LDLRAD4: variants seen among roughly 807,000 people sequenced by gnomAD.
The protein encoded by LDLRAD4 is low-density lipoprotein receptor class A domain-containing protein 4.
LDLRAD4 carries 5 observed loss-of-function variants against 17.0 expected under a neutral mutation model. The observed-to-expected ratio is 0.29, with a 90% CI of 0.15 to 0.62. LDLRAD4 has a LOEUF of 0.62. LDLRAD4 is among the 20% of genes least tolerant of loss of function. LDLRAD4 has a pLI of 0.84. For missense variants in LDLRAD4, 340 were observed against 424.7 expected (o/e 0.80, Z 1.75); for synonymous variants, 168 against 171.8 (o/e 0.98, Z 0.17).
At chr18:13,240,379 C>T (rs1325888876) in intron 1 of LDLRAD4, 1 of 152,286 alleles carries the variant, frequency 6.6e-6, no homozygotes, top group Non-Finnish European at 1.5e-5. Context: ...CCGCCTCCCC[C>T]ACATATGCTC....
At chr18:13,305,107 A>T (rs2046833406) in intron 1 of LDLRAD4, among the ~76,000 whole-genome samples, 1 of 152,168 alleles carries the variant, frequency 6.6e-6, no homozygotes, top group Non-Finnish European at 1.5e-5. Flanking sequence ...ATTGAAAAAA[A>T]TTAAGACAAA....
intron 3 of LDLRAD4, among the ~76,000 whole-genome samples, chr18:13,528,340 T>C (rs879014239): frequency 1.3e-5 from 2 of 152,108 alleles, no homozygotes; most frequent in African/African-American, 4.8e-5. Context: ...TGAGATGGAG[T>C]CTTGCTCTGT....
chr18:13,254,179 C>T (rs551333097), intron 1 of LDLRAD4, among the ~76,000 whole-genome samples: 4 of 152,288 alleles, frequency 2.6e-5, no homozygotes, highest in East Asian at 3.9e-4. Flanking sequence ...CGGTGTCGCG[C>T]CGTGAAGGCA....
chr18:13,584,810 G>A (rs947814155), intron 3 of LDLRAD4, among the ~76,000 whole-genome samples: 2 of 152,176 alleles, frequency 1.3e-5, no homozygotes, highest in African/African-American at 4.8e-5. Context: ...AACCATAATT[G>A]TCCAAATCCT....
At chr18:13,250,631 A>G (rs2043183580) in intron 1 of LDLRAD4, among the ~76,000 whole-genome samples, 1 of 152,206 alleles carries the variant, frequency 6.6e-6, no homozygotes, top group African/African-American at 2.4e-5. Context: ...TAAAAAACCT[A>G]GAGGAAATGG....
intron 1 of LDLRAD4, among the ~76,000 whole-genome samples, chr18:13,361,312 C>T (rs567789216): frequency 3.9e-5 from 6 of 152,290 alleles, no homozygotes; most frequent in Non-Finnish European, 7.3e-5. Flanking sequence ...CTCCTGACCT[C>T]GTGATCCACC....
intron 4 of LDLRAD4, chr18:13,642,370 C>G: frequency 9.7e-7 from 1 of 1,026,360 alleles, no homozygotes; most frequent in Non-Finnish European, 1.2e-6. Flanking sequence ...GACAGCCACA[C>G]TCTGGGCTGA....
chr18:13,522,393 T>G (rs1718075831), intron 3 of LDLRAD4: 1 of 152,164 alleles, frequency 6.6e-6, no homozygotes, highest in Admixed American at 6.5e-5. Flanking sequence ...CACTGTACCC[T>G]CATCGTATAA....
chr18:13,372,749 T>C (rs2084611976), intron 1 of LDLRAD4, among the ~76,000 whole-genome samples: 1 of 152,244 alleles, frequency 6.6e-6, no homozygotes. Context: ...TTCATGTTCA[T>C]GCTCCATGTC....
At chr18:13,374,333 G>C (rs1364762243) in intron 1 of LDLRAD4, among the ~76,000 whole-genome samples, 1 of 152,234 alleles carries the variant, frequency 6.6e-6, no homozygotes, top group Non-Finnish European at 1.5e-5. Context: ...CTGCCGATGG[G>C]AGCAAGCTCT....
intron 1 of LDLRAD4, among the ~76,000 whole-genome samples, chr18:13,349,092 G>C (rs1291443269): frequency 2.0e-5 from 3 of 152,184 alleles, no homozygotes; most frequent in Non-Finnish European, 4.4e-5. Context: ...TGCACCCACT[G>C]TCCGACAATC....
At chr18:13,613,048 G>T in intron 3 of LDLRAD4, 2 of 325,470 alleles carry the variant, frequency 6.1e-6, no homozygotes, top group East Asian at 5.5e-5. Context: ...TGTTGCTTTG[G>T]AGTTTTGTTT....
chr18:13,312,510 GGCGGGA>G (rs1427471383), intron 1 of LDLRAD4, among the ~76,000 whole-genome samples: 5 of 152,158 alleles, frequency 3.3e-5, no homozygotes, highest in African/African-American at 9.7e-5. Context: ...AGGATGCTAA[GGCGGGA>G]GTACCACTTG....
chr18:13,444,462 C>T (rs946018203), intron 3 of LDLRAD4, among the ~76,000 whole-genome samples: 1 of 152,198 alleles, frequency 6.6e-6, no homozygotes, highest in African/African-American at 2.4e-5. Context: ...TGTTAATCGA[C>T]TTCTTATGTT....
chr18:13,327,136 A>G (rs1297422629), intron 1 of LDLRAD4, among the ~76,000 whole-genome samples: 1 of 151,518 alleles, frequency 6.6e-6, no homozygotes, highest in Non-Finnish European at 1.5e-5. Context: ...TGGGCCGTGG[A>G]CTCTGCGGCA....
chr18:13,454,742 C>G (rs2092032723), intron 3 of LDLRAD4, among the ~76,000 whole-genome samples: 1 of 139,988 alleles, frequency 7.1e-6, no homozygotes, highest in Non-Finnish European at 1.6e-5. Context: ...AGGGGCTGGC[C>G]TGGTCCAGAA....
intron 1 of LDLRAD4, among the ~76,000 whole-genome samples, chr18:13,295,418 C>T (rs2046217044): frequency 1.3e-5 from 2 of 152,194 alleles, no homozygotes; most frequent in African/African-American, 4.8e-5. Context: ...CCAGTGGCTC[C>T]TGTGTGTGGA....
At chr18:13,614,172 G>A (rs1222562497) in intron 3 of LDLRAD4, 1 of 152,220 alleles carries the variant, frequency 6.6e-6, no homozygotes, top group Non-Finnish European at 1.5e-5. Context: ...TCTAAATGGG[G>A]AATGCCAACT....
intron 3 of LDLRAD4, chr18:13,620,865 G>A (rs1015779032): frequency 5.5e-6 from 3 of 547,704 alleles, no homozygotes; most frequent in African/African-American, 1.9e-5. Context: ...TTGTGGAGAC[G>A]TTCTCAGCTC....
Sources: gnomAD v4.1 joint callset for allele counts (sites outside exome capture counted in the v4.1 genomes callset) on GRCh38, gnomAD v4.1.1 for gene constraint, MANE v1.5 for transcripts, NCBI Gene and HGNC (gene_info 2026-07-23, HGNC 2026-07-21) for gene names.